SGO2: variants seen among roughly 807,000 people sequenced by gnomAD.
SGO2 encodes shugoshin-like 2.
In SGO2, 68 loss-of-function variants were observed where a neutral mutation model predicts 99.5. The ratio of observed to expected loss-of-function variants is 0.68; its 90% CI spans 0.56 to 0.84. SGO2 has a LOEUF of 0.84. SGO2 is among the 40% of genes least tolerant of loss of function. The pLI, the probability that SGO2 is intolerant of heterozygous loss-of-function variation, is 0.00. For synonymous variants in SGO2, 457 were observed against 487.1 expected (o/e 0.94, Z 0.81); for missense variants, 1,350 against 1,436.7 (o/e 0.94, Z 0.97).
chr2:200,571,154 G>A lies in SGO2; in HGVS notation c.808G>A (p.Val270Met), dbSNP rs571569342. 1.1e-5 allele frequency: 17 copies of A among 1,613,658 alleles called. No homozygotes were observed. The South Asian group carries it at 1.8e-4, about 17-fold the overall frequency. ...RRWEKPSPSNVTERKKRGSSW... is the reference protein window; with the variant it reads ...RRWEKPSPSNMTERKKRGSSW... Reference sequence around the variant, plus strand: ...ATGGGAGAAACCATCTCCTAGTAATGTGACTGAAAGGAAGAAGCGTGGGTC... The same window carrying A: ...ATGGGAGAAACCATCTCCTAGTAATATGACTGAAAGGAAGAAGCGTGGGTC... The change falls in exon 7 of 9, where the codon GTG becomes ATG. Residue 270 changes from valine (V) to methionine (M), a missense_variant. Val to Met is a conservative substitution (Grantham distance 21, BLOSUM62 1). Transcript: ENST00000357799.
At chr2:200,552,091 C>T (rs768237084) in intron 5 of SGO2, among the ~76,000 whole-genome samples, 1 of 152,158 alleles carries the variant, frequency 6.6e-6, no homozygotes, top group Non-Finnish European at 1.5e-5. Context: ...AAAATTGACT[C>T]TTCCATCTAT....
At chr2:200,559,107 A>G (rs1391689854) in intron 5 of SGO2, among the ~76,000 whole-genome samples, 1 of 152,130 alleles carries the variant, frequency 6.6e-6, no homozygotes, top group African/African-American at 2.4e-5. Context: ...CTGGTGTAAC[A>G]TCTCATTTCT....
intron 5 of SGO2, among the ~76,000 whole-genome samples, chr2:200,551,886 A>G (rs2032498408): frequency 6.6e-6 from 1 of 152,172 alleles, no homozygotes. Context: ...TATTAGCTTT[A>G]TAGTAAGTCT....
Position 200,572,212 on chromosome 2 carries a change from A to T in SGO2, c.1866A>T (p.Ile622=). The T allele has an allele frequency of 6.2e-7, 1 of 1,612,732 alleles. No homozygotes were observed. ...LRKKVNRKTE[I]ISGMNHMYED... is the part of the protein sequence containing the mutation. ...AGAAAGTAAACCGGAAGACAGAAAT[A>T]ATTTCTGGAATGAACCACATGTATG... Residue 622 remains isoleucine, a synonymous_variant, in exon 7 of 9, where the codon ATA becomes ATT. Transcript: ENST00000357799.
chr2:200,536,150 G>T lies in SGO2; in HGVS notation c.387+8G>T, dbSNP rs774734814. 2 of 1,535,204 alleles carry T rather than the reference G, an allele frequency of 1.3e-6. No homozygotes were observed. Among genetic ancestry groups the T allele is most frequent in the South Asian group, 1.2e-5 (1 of 86,308 alleles). ...ATGAGCAGTCTTTCTGAGGTAAGTA[G>T]AATTTATATGTAAATAGTGTTGTTC... On this transcript the variant is annotated splice_region_variant and intron_variant, in intron 4 of 8. Coordinates refer to ENST00000357799, the MANE Select transcript of SGO2 (RefSeq NM_152524.6).
At chr2:200,545,752 T>C (rs2032183930) in intron 5 of SGO2, among the ~76,000 whole-genome samples, 1 of 152,122 alleles carries the variant, frequency 6.6e-6, no homozygotes, top group Admixed American at 6.5e-5. Flanking sequence ...ACTCACAGTT[T>C]CTATACTGGA....
Position 200,535,065 on chromosome 2 carries a change from A to G in SGO2, c.203A>G (p.Glu68Gly), listed in dbSNP as rs1341501764. Residue 68 changes from glutamate (E) to glycine (G), a missense_variant, in exon 3 of 9, where the codon GAA becomes GGA. Coordinates refer to ENST00000357799, the MANE Select transcript of SGO2 (RefSeq NM_152524.6). ...GCATTAGCTCAGGCTCTTAGTAGAG[A>G]AAAAGAGAATTCTCGAAGAATTACA... The part of the protein sequence containing the change: ...NRALAQALSR[E>G]KENSRRITTE... 1 of 1,563,994 alleles carries G rather than the reference A, an allele frequency of 6.4e-7. No homozygotes were observed. The highest frequency in any genetic ancestry group is 1.4e-5 in the African/African-American group (1 of 71,052).
intron 5 of SGO2, among the ~76,000 whole-genome samples, chr2:200,552,547 G>A (rs1252141668): frequency 6.6e-6 from 1 of 152,166 alleles, no homozygotes; most frequent in South Asian, 2.1e-4. Flanking sequence ...TTTCTAGGAA[G>A]GAGGTGGGCA....
rs1203927631 is a variant in SGO2 at position 200,569,648 on chromosome 2, C to G, written c.474-15C>G. On this transcript the variant is annotated splice_polypyrimidine_tract_variant and intron_variant, in intron 5 of 8. Coordinates refer to ENST00000357799, the MANE Select transcript of SGO2 (RefSeq NM_152524.6). ...AAAACACATAATTTCTCATTTCCTT[C>G]CCACTTGCCTTTAGGGTTCCATTAA... 2.6e-6 allele frequency: 4 copies of G among 1,560,386 alleles called. No homozygotes were observed. The highest frequency in any genetic ancestry group is 3.5e-6 in the Non-Finnish European group (4 of 1,151,534).
intron 5 of SGO2, among the ~76,000 whole-genome samples, chr2:200,548,264 A>G (rs2032327149): frequency 1.3e-5 from 2 of 152,030 alleles, no homozygotes; most frequent in African/African-American, 4.8e-5. Flanking sequence ...AAAAATATAA[A>G]TCATATCTGG....
rs548056575 is a variant in SGO2, at chr2:200,532,381, A to G, written c.-2-593A>G. ...GTTGGTCTTACATGGCTCAACATCA[A>G]CTGCTGCTTCTCAGTGAAGCTATTT... On this transcript the variant is annotated intron_variant, in intron 1 of 8. Transcript: ENST00000357799. 118 of 983,864 alleles carry G rather than the reference A, an allele frequency of 1.2e-4. 4 individuals are homozygous for G. The South Asian group carries it at 3.4e-3, about 29-fold the overall frequency. 60.9% of individuals were successfully genotyped at this position (983,864 alleles called of 1,614,324 possible).
chr2:200,565,092 G>C (rs1445410876), intron 5 of SGO2, among the ~76,000 whole-genome samples: 1 of 152,160 alleles, frequency 6.6e-6, no homozygotes, highest in Admixed American at 6.5e-5. Flanking sequence ...TTGTGAATTT[G>C]ATCCTGTCAT....
At chr2:200,550,659 A>C (rs937709720) in intron 5 of SGO2, among the ~76,000 whole-genome samples, 1 of 152,178 alleles carries the variant, frequency 6.6e-6, no homozygotes, top group South Asian at 2.1e-4. Context: ...CTAGACTCCT[A>C]TCTCTCACCA....
rs555744416 is a variant in SGO2 at position 200,570,621 on chromosome 2, C to T, written c.704-429C>T. Among the ~76,000 whole-genome samples, 4 of 133,526 alleles carry T rather than the reference C, an allele frequency of 3.0e-5. No individual in the cohort carries two copies. The South Asian group carries it at 6.8e-4, about 23-fold the overall frequency. The allele number at this position is 133,526 out of a possible 152,430, so 87.6% of individuals were successfully genotyped here. A position where few individuals can be genotyped will look rare whatever the true frequency, so the allele number is the denominator to read the frequency against. ...ATATACATGTGTGTATATATTTACA[C>T]ACATACAAACATATATTAATATATG... On this transcript the variant is annotated intron_variant, in intron 6 of 8. Coordinates refer to ENST00000357799, the MANE Select transcript of SGO2 (RefSeq NM_152524.6). This position sits in a 1 kb window ranked among gnomAD's most constrained non-coding sequence, Gnocchi z 4.4.
intron 8 of SGO2, 42 bp from the exon 9 acceptor site, chr2:200,583,407 A>G (rs749695491): frequency 6.4e-7 from 1 of 1,557,598 alleles, no homozygotes; most frequent in Admixed American, 1.9e-5. Context: ...AAAAGCATTA[A>G]TTTTGGGTTG....
Position 200,535,053 on chromosome 2 carries a change from C to T in SGO2, c.191C>T (p.Ala64Val). ...CACAACAACAGGGCATTAGCTCAGG[C>T]TCTTAGTAGAGAAAAAGAGAATTCT... ...LKHNNRALAQ[A>V]LSREKENSRR... Residue 64 changes from alanine to valine, a missense_variant, in exon 3 of 9, where the codon GCT (alanine) becomes GTT (valine). By Grantham distance (64) the Ala-to-Val change is moderately conservative. Transcript: ENST00000357799. 1 of 1,561,970 alleles carries T rather than the reference C, an allele frequency of 6.4e-7. No individual in the cohort carries two copies. The highest frequency in any genetic ancestry group is 8.6e-7 in the Non-Finnish European group (1 of 1,163,360).
chr2:200,580,082 G>T (rs73044170), intron 8 of SGO2, among the ~76,000 whole-genome samples: 4,153 of 152,066 alleles, frequency 0.027, 194 homozygotes, highest in African/African-American at 0.095. Context: ...CCTTAATAAC[G>T]TTGACTGTTT....
intron 5 of SGO2, among the ~76,000 whole-genome samples, chr2:200,545,755 A>G (rs116264014): frequency 0.013 from 1,992 of 152,268 alleles, 24 homozygotes; most frequent in Middle Eastern, 0.034. Flanking sequence ...CACAGTTTCT[A>G]TACTGGAAAA....
chr2:200,534,836 C>T, intron 2 of SGO2, among the ~76,000 whole-genome samples, 160 bp from the exon 3 acceptor site: 1 of 152,122 alleles, frequency 6.6e-6, no homozygotes, highest in East Asian at 1.9e-4. Flanking sequence ...CCTCTAAACT[C>T]TGGGTTTATT....
Sources: gnomAD v4.1 joint callset for allele counts (sites outside exome capture counted in the v4.1 genomes callset) on GRCh38, gnomAD v4.1.1 for gene constraint, Gnocchi (gnomAD v3.1) non-coding constraint, MANE v1.5 for transcripts, NCBI Gene and HGNC (gene_info 2026-07-23, HGNC 2026-07-21) for gene names.